The following BICD1 variants were observed in gnomAD, a reference collection of about 807,000 sequenced individuals.
BICD1 encodes the protein protein bicaudal D homolog 1.
Under a neutral mutation model 92.5 loss-of-function variants are expected in BICD1, and 35 were observed. That is an observed-to-expected ratio of 0.38 (90% confidence interval 0.29 to 0.50). The LOEUF is 0.50. BICD1 is among the 20% of genes least tolerant of loss of function. The pLI is 0.93. For synonymous variants in BICD1, 429 were observed against 465.1 expected (o/e 0.92, Z 1.00); for missense variants, 950 against 1,189.8 (o/e 0.80, Z 2.97).
At chr12:32,375,244 T>C (rs1437430579) in intron 9 of BICD1, among the ~76,000 whole-genome samples, 1 of 151,728 alleles carries the variant, frequency 6.6e-6, no homozygotes, top group Admixed American at 6.6e-5. Flanking sequence ...AATTTATAAA[T>C]GAGGCCGGGC....
In BICD1 at chr12:32,263,207, G is replaced by T. The variant is rs190111021; in HGVS notation, c.427-30787G>T. Among the ~76,000 whole-genome samples, 690 of 152,026 alleles carry T rather than the reference G, an allele frequency of 4.5e-3. 4 individuals carry two copies. The highest frequency in any genetic ancestry group is 0.016 in the African/African-American group (662 of 41,466). ...GCCCTAGGAAACTGAGACAATGGGT[G>T]ACCATACAGCACCAAAGGACTTCTA... On this transcript the variant is annotated intron_variant, in intron 2 of 9. Coordinates refer to ENST00000652176, the MANE Select transcript of BICD1 (RefSeq NM_001714.4).
At chr12:32,243,793 A>G (rs563349415) in intron 2 of BICD1, among the ~76,000 whole-genome samples, 19 of 152,212 alleles carry the variant, frequency 1.2e-4, no homozygotes, top group Admixed American at 5.2e-4. Flanking sequence ...TCTTCTCAAA[A>G]CTATAAAAAT....
intron 2 of BICD1, among the ~76,000 whole-genome samples, chr12:32,293,602 T>A (rs546427083): frequency 9.1e-4 from 139 of 152,172 alleles, no homozygotes; most frequent in African/African-American, 3.3e-3. Context: ...AGTGCTGGGA[T>A]TACAGGTGTG....
At chr12:32,262,829 G>C (rs1176765336) in intron 2 of BICD1, among the ~76,000 whole-genome samples, 1 of 152,194 alleles carries the variant, frequency 6.6e-6, no homozygotes, top group African/African-American at 2.4e-5. Flanking sequence ...AACTGTGAGA[G>C]AACAAACTCT....
chr12:32,360,866 G>A (rs1460919106), intron 8 of BICD1, among the ~76,000 whole-genome samples: 1 of 152,170 alleles, frequency 6.6e-6, no homozygotes, highest in African/African-American at 2.4e-5. Context: ...AATGCTAAAT[G>A]ACGGAATAGG....
At chr12:32,279,236 G>A (rs1388157009) in intron 2 of BICD1, among the ~76,000 whole-genome samples, 3 of 152,186 alleles carry the variant, frequency 2.0e-5, no homozygotes, top group Non-Finnish European at 4.4e-5. Context: ...CAGGGTCAGG[G>A]CAGTGACCTT....
At chr12:32,142,405 TAAAAAAAAAAAAAAAAAA>T (rs1162662533) in intron 1 of BICD1, among the ~76,000 whole-genome samples, 1 of 63,388 alleles carries the variant, frequency 1.6e-5, no homozygotes, top group Non-Finnish European at 2.7e-5. Context: ...AGACTCTGTC[TAAAAAAAAAAAAAAAAAA>T]AAAAAAAACA....
rs1457185513 is a variant in BICD1 at position 32,346,590 on chromosome 12, ATATATATATATATATATATATACGTG to A, written c.2764+7630_2764+7655del. On this transcript the variant is annotated intron_variant, in intron 8 of 9. Coordinates refer to ENST00000652176, the MANE Select transcript of BICD1 (RefSeq NM_001714.4). Reference sequence around the variant, plus strand: ...TATATATATATATATATACGTGTATATATATATATATATATATATATACGTGTATATATATATATATATACGTGTAT... The same window carrying A: ...TATATATATATATATATACGTGTATATATATATATATATATATACGTGTAT... 1.2e-3 allele frequency among the ~76,000 whole-genome samples: 7 copies of A among 6,060 alleles called. 1 individual carries two copies. The highest frequency in any genetic ancestry group is 9.1e-3 in the East Asian group (1 of 110). 4.0% of individuals were successfully genotyped at this position (6,060 alleles called of 152,430 possible).
chr12:32,374,078 G>A (rs1472516852), intron 9 of BICD1, among the ~76,000 whole-genome samples: 1 of 151,778 alleles, frequency 6.6e-6, no homozygotes, highest in Admixed American at 6.6e-5. Context: ...GCCAGGTGTG[G>A]TGGCGCAGGC....
At chr12:32,377,482 A>C in intron 9 of BICD1, 58 bp from the exon 10 acceptor site, 1 of 1,370,202 alleles carries the variant, frequency 7.3e-7, no homozygotes, top group South Asian at 1.2e-5. Context: ...AACCCCTACC[A>C]TTGTGCCTGG....
At chr12:32,158,932 G>A (rs972495357) in intron 1 of BICD1, among the ~76,000 whole-genome samples, 1 of 152,066 alleles carries the variant, frequency 6.6e-6, no homozygotes, top group Non-Finnish European at 1.5e-5. Context: ...TTATTTGTAC[G>A]CCATCAAACT....
chr12:32,218,733 G>GA (rs1226299414), intron 2 of BICD1, among the ~76,000 whole-genome samples: 3 of 151,734 alleles, frequency 2.0e-5, no homozygotes, highest in Non-Finnish European at 4.4e-5. Context: ...GTAACTAAAA[G>GA]AAAAAAAAGA....
intron 4 of BICD1, among the ~76,000 whole-genome samples, 165 bp downstream of exon 4, chr12:32,306,287 A>T (rs1948214121): frequency 6.6e-6 from 1 of 151,924 alleles, no homozygotes; most frequent in Non-Finnish European, 1.5e-5. Flanking sequence ...TCCATCGCCC[A>T]GGCTGGAGTA....
At chr12:32,187,889 GTTT>G (rs1944463211) in intron 1 of BICD1, among the ~76,000 whole-genome samples, 1 of 151,496 alleles carries the variant, frequency 6.6e-6, no homozygotes, top group African/African-American at 2.4e-5. Context: ...TGTTGTTGTT[GTTT>G]TTTGAGACGG....
intron 8 of BICD1, among the ~76,000 whole-genome samples, chr12:32,358,921 T>G (rs975751225): frequency 2.0e-5 from 3 of 152,178 alleles, no homozygotes; most frequent in African/African-American, 7.2e-5. Flanking sequence ...TCATCCTTCT[T>G]TCTTCTACAT....
At position 32,381,401 on chromosome 12, in the gene BICD1, TACA is replaced by T. The variant is rs756023768; in HGVS notation, c.*3778_*3780del. 6.6e-6 allele frequency: 1 copy of T among 152,146 alleles called. No individual in the cohort carries two copies. Among genetic ancestry groups the T allele is most frequent in the Non-Finnish European group, 1.5e-5 (1 of 67,982 alleles). 9.4% of individuals were successfully genotyped at this position (152,146 alleles called of 1,614,324 possible). ...TCTTTATTTAAAAGGATCTTCAGTC[TACA>T]ACATTTGCTTTTTTCGTGCTTTGGA... On this transcript the variant is annotated 3_prime_UTR_variant, in exon 10 of 10. Coordinates refer to ENST00000652176, the MANE Select transcript of BICD1 (RefSeq NM_001714.4).
At chr12:32,330,509 C>T (rs967986370) in intron 5 of BICD1, among the ~76,000 whole-genome samples, 1 of 151,420 alleles carries the variant, frequency 6.6e-6, no homozygotes, top group Non-Finnish European at 1.5e-5. Flanking sequence ...ACCAACATGG[C>T]ACATGTATAC....
chr12:32,169,353 G>A (rs1943866523), intron 1 of BICD1, among the ~76,000 whole-genome samples: 1 of 152,154 alleles, frequency 6.6e-6, no homozygotes, highest in Admixed American at 6.5e-5. Flanking sequence ...TGCCACAGGA[G>A]AATTCAGTTC....
At chr12:32,295,141 CTACAAAGATTACATTCG>C (rs1321327079) in intron 3 of BICD1, among the ~76,000 whole-genome samples, 1 of 149,614 alleles carries the variant, frequency 6.7e-6, no homozygotes, top group Admixed American at 6.7e-5. Context: ...TGTAACCTGA[CTACAAAGATTACATTCG>C]TACATTTAAA....
Sources: allele counts gnomAD v4.1 joint callset (sites outside exome capture counted in the v4.1 genomes callset), GRCh38; gene constraint gnomAD v4.1.1; transcripts MANE v1.5; gene names NCBI Gene and HGNC (gene_info 2026-07-23, HGNC 2026-07-21).